Variants in ZNF727 observed in about 807,000 individuals in gnomAD.
ZNF727 encodes the protein putative zinc finger protein 727.
ZNF727 carries 11 observed loss-of-function variants against 11.5 expected under a neutral mutation model. The ratio of observed to expected loss-of-function variants is 0.95; its 90% CI spans 0.60 to 1.58. ZNF727 has a LOEUF of 1.58. Among genes scored for constraint, ZNF727 ranks in the 40% most tolerant of loss-of-function variants. The pLI, the probability that ZNF727 is intolerant of heterozygous loss-of-function variation, is 0.00. For synonymous variants in ZNF727, 171 were observed against 196.1 expected (o/e 0.87, Z 1.07); for missense variants, 533 against 581.7 (o/e 0.92, Z 0.86).
At chr7:64,071,727 A>G (rs1746754381) in intron 3 of ZNF727, among the ~76,000 whole-genome samples, 1 of 152,134 alleles carries the variant, frequency 6.6e-6, no homozygotes, top group Non-Finnish European at 1.5e-5. Context: ...ATTTTGTCAT[A>G]GAGTCCTTAT....
intron 1 of ZNF727, among the ~76,000 whole-genome samples, chr7:64,063,531 T>C (rs551301922): frequency 1.3e-5 from 2 of 152,002 alleles, no homozygotes; most frequent in Admixed American, 6.6e-5. Flanking sequence ...GGTGTAACAC[T>C]AGCACCCCTG....
In ZNF727 at chr7:64,082,872, C is replaced by T. The variant is rs534966384; in HGVS notation, c.*4323C>T. Among the ~76,000 whole-genome samples the T allele has an allele frequency of 5.7e-5, 7 of 122,154 alleles. No individual in the cohort carries two copies. The South Asian group carries it at 1.9e-3, about 33-fold the overall frequency. The allele number at this position is 122,154 out of a possible 152,430, so 80.1% of individuals were successfully genotyped here. A position where few individuals can be genotyped will look rare whatever the true frequency, so the allele number is the denominator to read the frequency against. On this transcript the variant is annotated 3_prime_UTR_variant, in exon 4 of 4. Transcript: ENST00000456806. Reference sequence around the variant, plus strand: ...ACTCCAGCCTGGTGAGAGAGCGAGACTCCGTCTCAAAAAAAAAAAAGAAAG... The same window carrying T: ...ACTCCAGCCTGGTGAGAGAGCGAGATTCCGTCTCAAAAAAAAAAAAGAAAG...
At chr7:64,072,562 TCAGAGAGCA>T (rs1193688132) in intron 3 of ZNF727, among the ~76,000 whole-genome samples, 2 of 152,066 alleles carry the variant, frequency 1.3e-5, no homozygotes, top group African/African-American at 2.4e-5. Flanking sequence ...CTGAACTGTT[TCAGAGAGCA>T]CAGTAAAGGC....
intron 1 of ZNF727, among the ~76,000 whole-genome samples, chr7:64,066,440 G>C (rs1171181621): frequency 2.0e-5 from 3 of 152,092 alleles, no homozygotes; most frequent in Non-Finnish European, 2.9e-5. Flanking sequence ...CATGGTACTG[G>C]TACCAAAACA....
chr7:64,050,233 A>G (rs1789569801), intron 1 of ZNF727, among the ~76,000 whole-genome samples: 1 of 152,028 alleles, frequency 6.6e-6, no homozygotes, highest in South Asian at 2.1e-4. Context: ...ATTTAGTACC[A>G]TGTAGATAAT....
At position 64,078,569 on chromosome 7, in the gene ZNF727, T is replaced by A; in HGVS notation, c.*20T>A. The A allele has an allele frequency of 6.4e-7, 1 of 1,553,924 alleles. No homozygotes were observed. The highest frequency in any genetic ancestry group is 8.7e-7 in the Non-Finnish European group (1 of 1,148,068). On this transcript the variant is annotated 3_prime_UTR_variant, in exon 4 of 4. Coordinates refer to ENST00000456806, the MANE Select transcript of ZNF727 (RefSeq NM_001159522.3). ...AGGTAATTCATACTGGAGATAAACC[T>A]TACAAATGTAATGAATGTGGAAAAG...
At chr7:64,052,711 AGCAGCCAGGAGG>A (rs1789622105) in intron 1 of ZNF727, among the ~76,000 whole-genome samples, 1 of 152,194 alleles carries the variant, frequency 6.6e-6, no homozygotes, top group Non-Finnish European at 1.5e-5. Context: ...AGCCTATGAA[AGCAGCCAGGAGG>A]GGGGCTATAC....
intron 1 of ZNF727, among the ~76,000 whole-genome samples, chr7:64,052,327 A>G (rs1789611618): frequency 6.6e-6 from 1 of 150,968 alleles, no homozygotes; most frequent in East Asian, 1.9e-4. Flanking sequence ...AATAGGTCTC[A>G]TGAGATCTGA....
Position 64,077,515 on chromosome 7 carries a change from T to C in ZNF727, c.466T>C (p.Leu156=). 6.4e-7 allele frequency: 1 copy of C among 1,551,514 alleles called. No individual in the cohort carries two copies. Among genetic ancestry groups the C allele is most frequent in the Non-Finnish European group, 8.7e-7 (1 of 1,146,828 alleles). ...QYNKCGKAFG[L]CSIFTEHKKI... ...TAATAAATGTGGCAAAGCTTTTGGG[T>C]TGTGCTCAATCTTCACTGAACATAA... is the stretch of plus-strand genomic sequence containing the variant. The change falls in exon 4 of 4, where the codon TTG becomes CTG. Residue 156 remains leucine (L), a synonymous_variant. Transcript: ENST00000456806.
At chr7:64,077,020 CT>C (rs1473974838) in intron 3 of ZNF727, among the ~76,000 whole-genome samples, 1 of 152,120 alleles carries the variant, frequency 6.6e-6, no homozygotes, top group Admixed American at 6.6e-5. Context: ...ATATGAAATA[CT>C]TTTATTACAC....
intron 3 of ZNF727, among the ~76,000 whole-genome samples, chr7:64,074,899 T>A (rs1486124321): frequency 6.6e-6 from 1 of 152,110 alleles, no homozygotes; most frequent in Non-Finnish European, 1.5e-5. Flanking sequence ...CCATTATTTT[T>A]AAATTTTATC....
At chr7:64,050,776 A>ATGTATGTG (rs995164096) in intron 1 of ZNF727, among the ~76,000 whole-genome samples, 2 of 148,464 alleles carry the variant, frequency 1.3e-5, no homozygotes, top group African/African-American at 4.9e-5. Flanking sequence ...ATGCATATGT[A>ATGTATGTG]TGTGTGTGTG....
In ZNF727 at chr7:64,081,720, C is replaced by T. The variant is rs1785796102; in HGVS notation, c.*3171C>T. Among the ~76,000 whole-genome samples, 1 of 152,142 alleles carries T rather than the reference C, an allele frequency of 6.6e-6. No individual in the cohort carries two copies. Among genetic ancestry groups the T allele is most frequent in the African/African-American group, 2.4e-5 (1 of 41,438 alleles). ...AAGGAGTGCTCAGTTGGATCAGCTT[C>T]TTCTGATTTGCAAGACCATCCTGCA... On this transcript the variant is annotated 3_prime_UTR_variant, in exon 4 of 4. Transcript: ENST00000456806.
intron 3 of ZNF727, among the ~76,000 whole-genome samples, chr7:64,072,552 C>A (rs367558347): frequency 7.1e-4 from 108 of 152,180 alleles, no homozygotes; most frequent in African/African-American, 2.5e-3. Context: ...AACTGAGTCA[C>A]TGAACTGTTT....
Position 64,045,701 on chromosome 7 carries a change from C to A in ZNF727, c.3+77C>A, listed in dbSNP as rs373398150. On this transcript the variant is annotated intron_variant, in intron 1 of 3. Coordinates refer to ENST00000456806, the MANE Select transcript of ZNF727 (RefSeq NM_001159522.3). Reference sequence around the variant, plus strand: ...CGGTCGGAACTGGCTGCGGTGGGATCTTGGCCTCGCGGTCAGCTCTGCAGC... The same window carrying A: ...CGGTCGGAACTGGCTGCGGTGGGATATTGGCCTCGCGGTCAGCTCTGCAGC... The A allele has an allele frequency of 4.9e-5, 75 of 1,541,704 alleles. No individual in the cohort carries two copies. In the African/African-American group the frequency reaches 9.2e-4, roughly 19 times the overall value.
intron 3 of ZNF727, among the ~76,000 whole-genome samples, chr7:64,072,426 G>A (rs1326159870): frequency 6.6e-6 from 1 of 152,108 alleles, no homozygotes; most frequent in Middle Eastern, 3.2e-3. Context: ...AGTAGGTTTG[G>A]CATATGGTGT....
Position 64,081,570 on chromosome 7 carries a change from G to A in ZNF727, c.*3021G>A, listed in dbSNP as rs572162671. Among the ~76,000 whole-genome samples the A allele has an allele frequency of 5.3e-5, 8 of 152,160 alleles. No individual in the cohort carries two copies. The highest frequency in any genetic ancestry group is 1.9e-4 in the East Asian group (1 of 5,156). ...GTGCAGTCACAGGGGCTGCCTTGCC[G>A]GAGCTCTTCATGGGTCAGGCATGGC... On this transcript the variant is annotated 3_prime_UTR_variant, in exon 4 of 4. Coordinates refer to ENST00000456806, the MANE Select transcript of ZNF727 (RefSeq NM_001159522.3).
intron 3 of ZNF727, 128 bp downstream of exon 3, chr7:64,069,737 C>G (rs1212173128): frequency 1.3e-6 from 1 of 742,128 alleles, no homozygotes; most frequent in African/African-American, 1.8e-5. Context: ...GCCTTCATTT[C>G]TTTCTCTTGC....
chr7:64,064,059 A>G (rs1789824573), intron 1 of ZNF727, among the ~76,000 whole-genome samples: 1 of 152,014 alleles, frequency 6.6e-6, no homozygotes, highest in Non-Finnish European at 1.5e-5. Flanking sequence ...GGTTCCAGAA[A>G]TGTCATCCAG....
Sources: gnomAD v4.1 joint callset for allele counts (sites outside exome capture counted in the v4.1 genomes callset) on GRCh38, gnomAD v4.1.1 for gene constraint, MANE v1.5 for transcripts, NCBI Gene and HGNC (gene_info 2026-07-23, HGNC 2026-07-21) for gene names.